The following PTPRT variants were observed in gnomAD, a reference collection of about 807,000 sequenced individuals.
PTPRT encodes the protein receptor-type tyrosine-protein phosphatase T.
A neutral mutation model predicts 176.8 loss-of-function variants in PTPRT; 56 were observed. That is an observed-to-expected ratio of 0.32 (90% CI 0.26 to 0.40). The LOEUF (loss-of-function observed/expected upper bound fraction) is 0.40, where lower values mean the gene tolerates loss of function less well. Among genes scored for constraint, PTPRT ranks in the 10% least tolerant of loss-of-function variants. PTPRT has a pLI of 1.00. For missense variants in PTPRT, 1,540 were observed against 1,908.2 expected, an observed-to-expected ratio of 0.81 and a Z score of 3.60; for synonymous variants, 783 against 739.0, an observed-to-expected ratio of 1.06 and a Z score of -0.96.
intron 15 of PTPRT, among the ~76,000 whole-genome samples, chr20:42,227,306 G>C (rs2056036554): frequency 6.6e-6 from 1 of 152,158 alleles, no homozygotes; most frequent in South Asian, 2.1e-4. Flanking sequence ...CCCAGGGGAG[G>C]CCCTGAAGCT....
At position 42,493,809 on chromosome 20, in the gene PTPRT, T is replaced by C. The variant is rs537387789; in HGVS notation, c.1154-21247A>G. On this transcript the variant is annotated intron_variant, in intron 7 of 30. Coordinates refer to ENST00000373187, the MANE Select transcript of PTPRT (RefSeq NM_007050.6). ...TATTTGATTGAAATGTTCCTTTCAA[T>C]TGCTTGGACTCTGAAGCCCAGCATC... Among the ~76,000 whole-genome samples the C allele has an allele frequency of 1.7e-3, 255 of 152,190 alleles. 1 individual carries two copies. The highest frequency in any genetic ancestry group is 3.5e-3 in the Admixed American group (53 of 15,260).
At chr20:42,352,634 A>C (rs1424771709) in intron 9 of PTPRT, among the ~76,000 whole-genome samples, 1 of 152,212 alleles carries the variant, frequency 6.6e-6, no homozygotes, top group Admixed American at 6.5e-5. Flanking sequence ...TGAAATAATG[A>C]ATAAGATCTT....
At chr20:42,752,766 C>T (rs776592957) in intron 6 of PTPRT, among the ~76,000 whole-genome samples, 19 of 152,244 alleles carry the variant, frequency 1.2e-4, no homozygotes, top group Middle Eastern at 3.4e-3. Context: ...ATCCTGGCTC[C>T]GCAAAGGCAA....
In PTPRT at chr20:42,227,884, C is replaced by T. The variant is rs555874543; in HGVS notation, c.2342+8345G>A. 2.2e-4 allele frequency among the ~76,000 whole-genome samples: 33 copies of T among 152,278 alleles called. 1 individual carries two copies. Among genetic ancestry groups the T allele is most frequent in the Admixed American group, 2.1e-3 (32 of 15,306 alleles). On this transcript the variant is annotated intron_variant, in intron 15 of 30. Coordinates refer to ENST00000373187, the MANE Select transcript of PTPRT (RefSeq NM_007050.6). ...TGGGCCTCCCAAAGTGCTGGGATTA[C>T]AGGCATGAGCCACCACGCCCAGCCC...
intron 1 of PTPRT, among the ~76,000 whole-genome samples, chr20:43,116,400 T>C (rs982962741): frequency 3.3e-5 from 5 of 152,174 alleles, no homozygotes; most frequent in African/African-American, 1.2e-4. Flanking sequence ...TTAGACAGTG[T>C]TCACCAGTGT....
intron 16 of PTPRT, among the ~76,000 whole-genome samples, chr20:42,183,262 A>T (rs1397032747): frequency 6.6e-6 from 1 of 152,176 alleles, no homozygotes; most frequent in Non-Finnish European, 1.5e-5. Flanking sequence ...CAGAGAAGCC[A>T]ATCCACTTAT....
At chr20:42,868,946 C>T (rs1426936419) in intron 2 of PTPRT, among the ~76,000 whole-genome samples, 1 of 152,086 alleles carries the variant, frequency 6.6e-6, no homozygotes, top group Non-Finnish European at 1.5e-5. Flanking sequence ...TCAAGTGAGC[C>T]CAAGTGTGGC....
Position 42,871,212 on chromosome 20 carries a change from A to G in PTPRT, c.214+14595T>C, listed in dbSNP as rs181715414. ...GGTGATCTGCCCACCTCGGCCTCCC[A>G]AAATGCTGGGATTACAGGCATGAAC... On this transcript the variant is annotated intron_variant, in intron 2 of 30. Coordinates refer to ENST00000373187, the MANE Select transcript of PTPRT (RefSeq NM_007050.6). Among the ~76,000 whole-genome samples, 13 of 152,026 alleles carry G rather than the reference A, an allele frequency of 8.6e-5. No individual in the cohort carries two copies. The East Asian group carries it at 1.5e-3, about 18-fold the overall frequency.
rs1194181311 is a variant in PTPRT at position 43,054,577 on chromosome 20, A to C, written c.88+135069T>G. Among the ~76,000 whole-genome samples, 5 of 151,970 alleles carry C rather than the reference A, an allele frequency of 3.3e-5. No homozygotes were observed. In the East Asian group the frequency reaches 9.7e-4, roughly 29 times the overall value. ...TCCAAAAAAAGAAGGGGAAAAAAAA[A>C]AAAAAAAACAACCTTGGTCCCTGAT... On this transcript the variant is annotated intron_variant, in intron 1 of 30. Coordinates refer to ENST00000373187, the MANE Select transcript of PTPRT (RefSeq NM_007050.6).
At position 42,104,494 on chromosome 20, in the gene PTPRT, C is replaced by T. The variant is rs1986240363; in HGVS notation, c.3540+75G>A. 5 of 1,454,628 alleles carry T rather than the reference C, an allele frequency of 3.4e-6. No individual in the cohort carries two copies. In the South Asian group the frequency reaches 6.6e-5, roughly 19 times the overall value. The allele number at this position is 1,454,628 out of a possible 1,614,324, so 90.1% of individuals were successfully genotyped here. A position where few individuals can be genotyped will look rare whatever the true frequency, so the allele number is the denominator to read the frequency against. Reference sequence around the variant, plus strand: ...ATGAATAAGTGTCTGTCATTTAAACCACCCAATCTATGGAAATTTGTTATA... The same window carrying T: ...ATGAATAAGTGTCTGTCATTTAAACTACCCAATCTATGGAAATTTGTTATA... On this transcript the variant is annotated intron_variant, in intron 25 of 30. Coordinates refer to ENST00000373187, the MANE Select transcript of PTPRT (RefSeq NM_007050.6).
intron 1 of PTPRT, among the ~76,000 whole-genome samples, chr20:42,924,932 G>A (rs532880765): frequency 6.6e-6 from 1 of 152,220 alleles, no homozygotes. Context: ...GGTTGGACTT[G>A]AGCATCCATT....
intron 1 of PTPRT, among the ~76,000 whole-genome samples, chr20:42,962,624 G>A (rs528924891): frequency 7.9e-5 from 12 of 152,218 alleles, no homozygotes; most frequent in South Asian, 2.1e-4. Context: ...GGCTGAAAAC[G>A]CTAATGATTA....
intron 16 of PTPRT, among the ~76,000 whole-genome samples, chr20:42,166,076 C>T (rs1432489029): frequency 6.6e-6 from 1 of 152,218 alleles, no homozygotes; most frequent in East Asian, 1.9e-4. Context: ...ACTTACAGCA[C>T]ATTTCAATTC....
At chr20:42,355,072 G>A (rs1470829674) in intron 9 of PTPRT, among the ~76,000 whole-genome samples, 2 of 152,106 alleles carry the variant, frequency 1.3e-5, no homozygotes, top group Non-Finnish European at 2.9e-5. Context: ...AAGTGCTACA[G>A]GCATCTATCT....
intron 12 of PTPRT, among the ~76,000 whole-genome samples, chr20:42,282,934 T>C (rs1052472412): frequency 2.0e-5 from 3 of 152,178 alleles, no homozygotes; most frequent in Non-Finnish European, 4.4e-5. Context: ...ACTTTGTTAC[T>C]AGCAATAATG....
At chr20:42,093,206 T>C (rs1325447335) in intron 27 of PTPRT, among the ~76,000 whole-genome samples, 1 of 152,126 alleles carries the variant, frequency 6.6e-6, no homozygotes, top group Non-Finnish European at 1.5e-5. Context: ...TTTCTGGTGG[T>C]CCGTAGAGAC....
intron 2 of PTPRT, among the ~76,000 whole-genome samples, chr20:42,793,988 G>A (rs1462469384): frequency 2.0e-5 from 3 of 152,082 alleles, no homozygotes; most frequent in Non-Finnish European, 1.5e-5. Context: ...GCCAATTCAC[G>A]CCACGGGCTC....
rs148794791 is a variant in PTPRT at position 42,811,081 on chromosome 20, A to G, written c.215-19615T>C. Among the ~76,000 whole-genome samples, 221 of 152,326 alleles carry G rather than the reference A, an allele frequency of 1.5e-3. 1 individual carries two copies. The Middle Eastern group carries it at 0.024, about 16-fold the overall frequency. On this transcript the variant is annotated intron_variant, in intron 2 of 30. Transcript: ENST00000373187. ...CTTCAACCACTGTGAACATCTTAAC[A>G]TATTTGCTTTCCCTTTTTATTTTTA...
At chr20:42,602,656 C>T (rs1355992786) in intron 7 of PTPRT, among the ~76,000 whole-genome samples, 1 of 152,082 alleles carries the variant, frequency 6.6e-6, no homozygotes, top group African/African-American at 2.4e-5. Context: ...AGAGCAAATA[C>T]TCTTACCACT....
Sources: gnomAD v4.1 joint callset for allele counts (sites outside exome capture counted in the v4.1 genomes callset) on GRCh38, gnomAD v4.1.1 for gene constraint, MANE v1.5 for transcripts, NCBI Gene and HGNC (gene_info 2026-07-23, HGNC 2026-07-21) for gene names.